Variants in PDE8B observed in about 807,000 individuals in gnomAD.
PDE8B encodes phosphodiesterase 8B.
A neutral mutation model predicts 101.3 loss-of-function variants in PDE8B; 26 were observed. The observed-to-expected ratio is 0.26, with a 90% confidence interval of 0.19 to 0.36. PDE8B has a LOEUF of 0.36. Ranked by LOEUF, PDE8B falls within the 10% of genes least tolerant of loss-of-function variation. PDE8B has a pLI of 1.00. For synonymous variants in PDE8B, 424 were observed against 429.3 expected, an observed-to-expected ratio of 0.99 and a Z score of 0.15; for missense variants, 810 against 1,163.1, an observed-to-expected ratio of 0.70 and a Z score of 4.42.
At chr5:77,113,764 T>G in the PDE8B span, 2 of 152,206 alleles carry the variant, frequency 1.3e-5, no homozygotes. Context: ...AATCTACCCA[T>G]CTGCCAAAGG....
the PDE8B span, among the ~76,000 whole-genome samples, chr5:77,182,795 A>G: frequency 7.0e-6 from 1 of 143,478 alleles, no homozygotes; most frequent in East Asian, 2.0e-4. Context: ...TCTTATTTTT[A>G]TTTATGGAGA....
intron 10 of PDE8B, among the ~76,000 whole-genome samples, chr5:77,388,185 T>G (rs1789138769): frequency 6.6e-6 from 1 of 152,184 alleles, no homozygotes; most frequent in Non-Finnish European, 1.5e-5. Flanking sequence ...TCAGCCTTTT[T>G]GCGCTGGTGT....
intron 1 of PDE8B, among the ~76,000 whole-genome samples, chr5:77,296,075 CT>C (rs1485604360): frequency 1.3e-5 from 2 of 152,194 alleles, no homozygotes; most frequent in African/African-American, 4.8e-5. Context: ...GTGACTACTC[CT>C]AACCAATTGC....
chr5:77,270,106 A>G (rs1440905888), intron 1 of PDE8B, among the ~76,000 whole-genome samples: 1 of 152,222 alleles, frequency 6.6e-6, no homozygotes, highest in Non-Finnish European at 1.5e-5. Flanking sequence ...ATCCATGGAC[A>G]TGGAATATCT....
chr5:77,294,668 A>T (rs923032246), intron 1 of PDE8B, among the ~76,000 whole-genome samples: 4 of 151,772 alleles, frequency 2.6e-5, no homozygotes, highest in African/African-American at 7.2e-5. Context: ...AGCAAAAAAA[A>T]ATCTAGGAAA....
chr5:77,120,013 C>G, the PDE8B span, among the ~76,000 whole-genome samples: 1 of 151,250 alleles, frequency 6.6e-6, no homozygotes, highest in Non-Finnish European at 1.5e-5. Context: ...CAAAACAAAA[C>G]AAAACAAAAA....
intron 10 of PDE8B, among the ~76,000 whole-genome samples, chr5:77,372,995 T>A (rs909629037): frequency 6.6e-6 from 1 of 151,358 alleles, no homozygotes; most frequent in African/African-American, 2.4e-5. Flanking sequence ...ACCATTGCAC[T>A]CCAGCCTGGG....
In PDE8B at chr5:77,361,849, C is replaced by T. The variant is rs76630920; in HGVS notation, c.1167+8443C>T. On this transcript the variant is annotated intron_variant, in intron 10 of 21. Transcript: ENST00000264917. ...TTTTTGATGTAAGTGAAAATATCAA[C>T]TAACATTTATGCCAAGACTCCACTC... 7.9e-5 allele frequency among the ~76,000 whole-genome samples: 12 copies of T among 152,104 alleles called. No individual in the cohort carries two copies. In the South Asian group the frequency reaches 2.5e-3, roughly 32 times the overall value.
chr5:77,180,308 T>G, the PDE8B span: 1 of 364,864 alleles, frequency 2.7e-6, no homozygotes, highest in Non-Finnish European at 3.8e-6. Context: ...GCTGCCAGAG[T>G]CCCACGGAGC....
chr5:77,165,152 G>A, the PDE8B span, among the ~76,000 whole-genome samples: 1 of 152,132 alleles, frequency 6.6e-6, no homozygotes, highest in African/African-American at 2.4e-5. Flanking sequence ...ATACACAACA[G>A]TCTCACCATA....
chr5:77,317,306 A>G (rs1773975085), intron 2 of PDE8B, among the ~76,000 whole-genome samples: 1 of 152,206 alleles, frequency 6.6e-6, no homozygotes, highest in Non-Finnish European at 1.5e-5. Flanking sequence ...CTTCACTGCA[A>G]TGCCAAAAAT....
intron 7 of PDE8B, among the ~76,000 whole-genome samples, chr5:77,346,339 A>G (rs757290101): frequency 6.6e-6 from 1 of 151,756 alleles, no homozygotes; most frequent in Non-Finnish European, 1.5e-5. Context: ...CCCCACTTAT[A>G]CCCCGACTTG....
intron 1 of PDE8B, among the ~76,000 whole-genome samples, chr5:77,244,510 A>C (rs1274787963): frequency 6.6e-6 from 1 of 152,126 alleles, no homozygotes; most frequent in Non-Finnish European, 1.5e-5. Context: ...CAAGCTTCTT[A>C]ACAGAAATAC....
chr5:77,309,946 T>TTTTC (rs1772198111), intron 1 of PDE8B, among the ~76,000 whole-genome samples: 1 of 122,264 alleles, frequency 8.2e-6, no homozygotes, highest in South Asian at 3.0e-4. Flanking sequence ...CATTAATCTT[T>TTTTC]TTTTTTTTTT....
chr5:77,276,696 C>T (rs1385879216), intron 1 of PDE8B, among the ~76,000 whole-genome samples: 2 of 152,070 alleles, frequency 1.3e-5, no homozygotes, highest in Non-Finnish European at 2.9e-5. Flanking sequence ...TAATGCTTAG[C>T]CCTTCAGATA....
At chr5:77,240,148 A>ATTTGT (rs1244841415) in intron 1 of PDE8B, among the ~76,000 whole-genome samples, 18 of 151,738 alleles carry the variant, frequency 1.2e-4, no homozygotes, top group South Asian at 4.2e-4. Flanking sequence ...GGCAATTTAA[A>ATTTGT]TTTGTTTTGT....
intron 1 of PDE8B, among the ~76,000 whole-genome samples, chr5:77,257,785 G>A (rs1163354288): frequency 6.6e-6 from 1 of 152,048 alleles, no homozygotes; most frequent in Non-Finnish European, 1.5e-5. Context: ...ATTAAGCCCG[G>A]CATGCATTAG....
At chr5:77,397,452 C>CT (rs1791317726) in intron 10 of PDE8B, among the ~76,000 whole-genome samples, 1 of 152,078 alleles carries the variant, frequency 6.6e-6, no homozygotes, top group African/African-American at 2.4e-5. Context: ...CTCTTATAGA[C>CT]TTATAAGATT....
At chr5:77,287,014 T>C (rs1261882572) in intron 1 of PDE8B, among the ~76,000 whole-genome samples, 4 of 152,196 alleles carry the variant, frequency 2.6e-5, no homozygotes, top group Non-Finnish European at 4.4e-5. Flanking sequence ...ATTCTATGTA[T>C]TTTTAAATCC....
Sources: gnomAD v4.1 joint callset for allele counts (sites outside exome capture counted in the v4.1 genomes callset) on GRCh38, gnomAD v4.1.1 for gene constraint, MANE v1.5 for transcripts, NCBI Gene and HGNC (gene_info 2026-07-23, HGNC 2026-07-21) for gene names.